PRDM1: variants seen among roughly 807,000 people sequenced by gnomAD.
PRDM1 encodes the protein PR domain zinc finger protein 1.
A neutral mutation model predicts 62.8 loss-of-function variants in PRDM1; 13 were observed. The observed-to-expected ratio is 0.21, with a 90% CI of 0.13 to 0.33. The LOEUF (loss-of-function observed/expected upper bound fraction) is 0.33. PRDM1 is among the 10% of genes least tolerant of loss of function. PRDM1 has a pLI of 1.00. For synonymous variants in PRDM1, 396 were observed against 417.6 expected, an observed-to-expected ratio of 0.95 and a Z score of 0.63; for missense variants, 895 against 1,058.8, an observed-to-expected ratio of 0.85 and a Z score of 2.15.
Position 106,106,465 on chromosome 6 carries a change from T to C in PRDM1, c.1868T>C (p.Leu623Pro). 3.7e-6 allele frequency: 6 copies of C among 1,614,150 alleles called. No individual in the cohort carries two copies. The highest frequency in any genetic ancestry group is 5.1e-6 in the Non-Finnish European group (6 of 1,180,024). Residue 623 changes from leucine to proline, a missense_variant, in exon 6 of 7, where the codon CTG (leucine) becomes CCG (proline). This residue lies in a region of PRDM1 where 74 missense variants were observed against 172.4 expected (regional missense o/e 0.43). Coordinates refer to ENST00000369096, the MANE Select transcript of PRDM1 (RefSeq NM_001198.4). This position sits in a 1 kb window ranked among gnomAD's most constrained non-coding sequence, Gnocchi z 4.4. ...TQLAHLQKHY[L>P]VHTGEKPHEC... ...CTCGCCCACCTGCAGAAACACTACC[T>C]GGTACACACGGGAGAAAAGCCACAT...
intron 2 of PRDM1, among the ~76,000 whole-genome samples, chr6:106,094,906 A>AACACAC (rs3833460): frequency 4.5e-5 from 4 of 88,844 alleles, no homozygotes; most frequent in East Asian, 6.9e-4. Context: ...TTGTCTTTAA[A>AACACAC]ACACACACAC....
intron 1 of PRDM1, among the ~76,000 whole-genome samples, chr6:105,993,697 AG>A (rs1383570863): frequency 2.0e-5 from 3 of 152,174 alleles, no homozygotes; most frequent in African/African-American, 7.2e-5. Flanking sequence ...AATCAAGGGT[AG>A]GGGACAAAAT....
At chr6:106,029,846 T>G (rs1772817716) in intron 1 of PRDM1, among the ~76,000 whole-genome samples, 1 of 152,044 alleles carries the variant, frequency 6.6e-6, no homozygotes, top group South Asian at 2.1e-4. Context: ...CTCGAACCCC[T>G]GGGCTCAAGC....
intron 1 of PRDM1, among the ~76,000 whole-genome samples, chr6:106,054,733 G>A (rs1434708975): frequency 1.3e-5 from 2 of 152,122 alleles, no homozygotes; most frequent in East Asian, 1.9e-4. Context: ...ATTATTTAAT[G>A]GTGATTGGAA....
intron 1 of PRDM1, among the ~76,000 whole-genome samples, chr6:106,059,486 C>T (rs905772156): frequency 2.0e-5 from 3 of 152,112 alleles, no homozygotes; most frequent in Non-Finnish European, 2.9e-5. Context: ...GGAGATGAGA[C>T]CCAAGAGATA....
rs576164687 is a variant in PRDM1 at position 106,089,925 on chromosome 6, C to T, written c.291+1476C>T. Among the ~76,000 whole-genome samples, 4 of 152,306 alleles carry T rather than the reference C, an allele frequency of 2.6e-5. No homozygotes were observed. The South Asian group carries it at 8.3e-4, about 32-fold the overall frequency. On this transcript the variant is annotated intron_variant, in intron 2 of 6. Transcript: ENST00000369096. ...TCCTTTGGGACTGAAGTAAAAATCT[C>T]CATTCTGTGGGTCATCTTTGCCTTT...
chr6:106,086,650 T>A (rs927979197), intron 1 of PRDM1, 55 bp downstream of exon 1: 30 of 1,444,108 alleles, frequency 2.1e-5, no homozygotes, highest in Non-Finnish European at 2.6e-5. Flanking sequence ...AAAACTTTAT[T>A]TTCTTTTCCT....
At chr6:106,042,527 CAA>C (rs764478792) in intron 1 of PRDM1, among the ~76,000 whole-genome samples, 2 of 139,782 alleles carry the variant, frequency 1.4e-5, no homozygotes, top group Non-Finnish European at 1.6e-5. Flanking sequence ...AACTCTGTCT[CAA>C]AAAAAAAAAA....
At chr6:106,035,031 A>G (rs1479016662) in intron 1 of PRDM1, among the ~76,000 whole-genome samples, 3 of 152,196 alleles carry the variant, frequency 2.0e-5, no homozygotes, top group Non-Finnish European at 4.4e-5. Context: ...ATTGCATAGA[A>G]TGTCCTGTAT....
chr6:105,996,951 T>A (rs1772355909), intron 1 of PRDM1, among the ~76,000 whole-genome samples: 1 of 152,248 alleles, frequency 6.6e-6, no homozygotes, highest in Non-Finnish European at 1.5e-5. Flanking sequence ...AGGCTGGACT[T>A]GCAAAAGCTA....
At chr6:106,061,104 C>T (rs1033220144) in intron 1 of PRDM1, among the ~76,000 whole-genome samples, 7 of 152,214 alleles carry the variant, frequency 4.6e-5, no homozygotes, top group African/African-American at 1.7e-4. Flanking sequence ...TAGCCGGTGT[C>T]CCTGGATTTA....
At chr6:106,043,007 C>T (rs543305303) in intron 1 of PRDM1, among the ~76,000 whole-genome samples, 3 of 152,220 alleles carry the variant, frequency 2.0e-5, no homozygotes, top group East Asian at 1.9e-4. Context: ...TGTGCCACCA[C>T]GCCCGGCTAA....
Position 106,095,874 on chromosome 6 carries a change from G to A in PRDM1, c.411+140G>A, listed in dbSNP as rs558404161. 82 of 913,964 alleles carry A rather than the reference G, an allele frequency of 9.0e-5. No individual in the cohort carries two copies. In the South Asian group the frequency reaches 9.8e-4, roughly 11 times the overall value. The allele number at this position is 913,964 out of a possible 1,614,324, so 56.6% of individuals were successfully genotyped here. On this transcript the variant is annotated intron_variant, in intron 3 of 6. Transcript: ENST00000369096. ...AGTATCCAGCATCCCCATGGACACA[G>A]GGAATTCTGAACAAATGTGATGAAA...
At chr6:106,091,475 A>C (rs1295612098) in intron 2 of PRDM1, among the ~76,000 whole-genome samples, 1 of 151,840 alleles carries the variant, frequency 6.6e-6, no homozygotes, top group Non-Finnish European at 1.5e-5. Context: ...TGTTCACTTC[A>C]CTCCTTTTAA....
At chr6:106,030,688 G>A (rs1160308480) in intron 1 of PRDM1, among the ~76,000 whole-genome samples, 10 of 151,970 alleles carry the variant, frequency 6.6e-5, no homozygotes, top group African/African-American at 2.4e-5. Flanking sequence ...TCTAAGATTC[G>A]TTTAGAGATA....
chr6:106,022,164 T>C (rs1772704042), intron 1 of PRDM1, among the ~76,000 whole-genome samples: 1 of 152,214 alleles, frequency 6.6e-6, no homozygotes, highest in Admixed American at 6.5e-5. Context: ...CTAGCAGAAT[T>C]CGAAATGTGA....
Position 106,108,520 on chromosome 6 carries a change from G to GTTTTTT in PRDM1, c.*1034_*1035insTTTTTT, listed in dbSNP as rs1774580735. 1 of 106,510 alleles carries GTTTTTT rather than the reference G, an allele frequency of 9.4e-6. No individual in the cohort carries two copies. Among genetic ancestry groups the GTTTTTT allele is most frequent in the Non-Finnish European group, 1.6e-5 (1 of 61,972 alleles). 6.6% of individuals were successfully genotyped at this position (106,510 alleles called of 1,614,324 possible). A position where few individuals can be genotyped will look rare whatever the true frequency, so the allele number is the denominator to read the frequency against. ...TGGTGTTTTGTTGTTGGTTTTTGTT[G>GTTTTTT]CTTTTTTTTTTTTTTTTTTTTTAAT... On this transcript the variant is annotated 3_prime_UTR_variant, in exon 7 of 7. Transcript: ENST00000369096.
In PRDM1 at chr6:106,095,552, T is replaced by C. The variant is rs192908756; in HGVS notation, c.292-63T>C. 6.2e-5 allele frequency: 97 copies of C among 1,567,728 alleles called. No individual in the cohort carries two copies. The African/African-American group carries it at 1.2e-3, about 19-fold the overall frequency. ...CTACTTGACAGTCCAATTTATTTAA[T>C]TGAAAAGATTGGTTAACATTTTATA... is the stretch of plus-strand genomic sequence containing the variant. On this transcript the variant is annotated intron_variant, in intron 2 of 6. Coordinates refer to ENST00000369096, the MANE Select transcript of PRDM1 (RefSeq NM_001198.4).
chr6:106,098,744 G>A (rs1298470798), intron 3 of PRDM1: 1 of 1,436,358 alleles, frequency 7.0e-7, no homozygotes, highest in Non-Finnish European at 9.3e-7. Flanking sequence ...GTATTCATAT[G>A]AACAAGTGTT....
Sources: allele counts gnomAD v4.1 joint callset (sites outside exome capture counted in the v4.1 genomes callset), GRCh38; gene constraint gnomAD v4.1.1; regional missense constraint gnomAD v4.1.1; non-coding constraint Gnocchi (gnomAD v3.1); transcripts MANE v1.5; gene names NCBI Gene and HGNC (gene_info 2026-07-23, HGNC 2026-07-21).